CYB5R2: variants seen among roughly 807,000 people sequenced by gnomAD.
The protein encoded by CYB5R2 is cytochrome b5 reductase 2, also known as NADH-cytochrome b5 reductase 2.
CYB5R2 carries 35 observed loss-of-function variants against 29.8 expected under a neutral mutation model. The ratio of observed to expected loss-of-function variants is 1.17; its 90% CI spans 0.90 to 1.56. The LOEUF is 1.56. Among genes scored for constraint, CYB5R2 ranks in the 40% most tolerant of loss-of-function variants. The pLI is 0.00. For missense variants in CYB5R2, 419 were observed against 346.7 expected (o/e 1.21, Z -1.66); for synonymous variants, 169 against 130.6 (o/e 1.29, Z -2.01).
upstream of CYB5R2, chr11:7,673,799 T>A: frequency 1.0e-6 from 1 of 987,288 alleles, no homozygotes; most frequent in Non-Finnish European, 1.2e-6. Flanking sequence ...ACTCGTGGCG[T>A]CGCCCCGCAG....
intron 3 of CYB5R2, chr11:7,670,024 G>A (rs35045958): frequency 0.15 from 50,790 of 343,548 alleles, 4,001 homozygotes; most frequent in African/African-American, 0.19. Context: ...ACTGCTTTTT[G>A]GAGCAGGAAA....
In CYB5R2 at chr11:7,672,463, CT is replaced by C. The variant is rs1291461794; in HGVS notation, c.138del (p.Leu48PhefsTer3). ...AAGCCCGGCTCACCTACAGGAAGCCCTAAGACATGGTCCGGCGAAGGCAGTC... is the reference window on the plus strand; with the variant it reads ...AAGCCCGGCTCACCTACAGGAAGCCCAAGACATGGTCCGGCGAAGGCAGTC... ...RFGLPSPDHV[L>X]GLPVGNYVQL... On this transcript the variant is annotated frameshift_variant, in exon 3 of 9. Coordinates refer to ENST00000299498, the MANE Select transcript of CYB5R2 (RefSeq NM_016229.5). LOFTEE classifies it high-confidence loss of function. 1.2e-6 allele frequency: 2 copies of C among 1,614,068 alleles called. No homozygotes were observed. Among genetic ancestry groups the C allele is most frequent in the African/African-American group, 2.7e-5 (2 of 74,928 alleles).
At chr11:7,673,934 CG>C (rs562598139), upstream of CYB5R2, 212 of 1,000,760 alleles carry the variant, frequency 2.1e-4, no homozygotes, top group African/African-American at 3.5e-3. Context: ...GGGCCGTGGT[CG>C]GGGGGCTCTC....
chr11:7,672,670 T>TGA, intron 2 of CYB5R2, 78 bp downstream of exon 2: 1 of 1,577,242 alleles, frequency 6.3e-7, no homozygotes, highest in South Asian at 1.1e-5. Flanking sequence ...CTGGAGGCCA[T>TGA]GAGATGACTG....
At chr11:7,666,363 A>G in intron 8 of CYB5R2, 88 bp downstream of exon 8, 3 of 869,970 alleles carry the variant, frequency 3.4e-6, no homozygotes, top group Non-Finnish European at 3.8e-6. Flanking sequence ...CTACAAAACT[A>G]AAACAAAACA....
At chr11:7,672,138 G>A in intron 3 of CYB5R2, 1 of 338,780 alleles carries the variant, frequency 3.0e-6, no homozygotes, top group South Asian at 6.9e-5. Flanking sequence ...GAGGCTCAGA[G>A]AGATTGAAGG....
Position 7,669,335 on chromosome 11 carries a change from C to G in CYB5R2, c.259-1G>C. ...GGGGGTGTACATTTTTGAAGTAGATCTGAAAAGCAAGGCAGCACTGCTTTC... is the reference window on the plus strand; with the variant it reads ...GGGGGTGTACATTTTTGAAGTAGATGTGAAAAGCAAGGCAGCACTGCTTTC... On this transcript the variant is annotated splice_acceptor_variant, in intron 4 of 8. Coordinates refer to ENST00000299498, the MANE Select transcript of CYB5R2 (RefSeq NM_016229.5). LOFTEE classifies it high-confidence loss of function. 1 of 1,608,926 alleles carries G rather than the reference C, an allele frequency of 6.2e-7. No individual in the cohort carries two copies.
upstream of CYB5R2, chr11:7,673,998 CATG>C: frequency 8.7e-7 from 1 of 1,149,282 alleles, no homozygotes; most frequent in Non-Finnish European, 1.1e-6. Flanking sequence ...AGCGCTCCAT[CATG>C]AGGCTGGCGG....
chr11:7,666,020 GC>G (rs1855158553), intron 8 of CYB5R2: 1 of 987,560 alleles, frequency 1.0e-6, no homozygotes, highest in Non-Finnish European at 1.5e-6. Flanking sequence ...TTGCTGGGAT[GC>G]TGTCTGGGCT....
chr11:7,672,988 G>A lies in CYB5R2; in HGVS notation c.-66-97C>T, dbSNP rs1855853827. 9 of 1,198,276 alleles carry A rather than the reference G, an allele frequency of 7.5e-6. No homozygotes were observed. The Admixed American group carries it at 1.9e-4, about 25-fold the overall frequency. 74.2% of individuals were successfully genotyped at this position (1,198,276 alleles called of 1,614,324 possible). On this transcript the variant is annotated intron_variant, in intron 1 of 8. Transcript: ENST00000299498. The stretch of plus-strand genomic sequence containing the variant: ...ACACCCTCCCCACACCAAAGGCACA[G>A]GAGCTGAGCTCTGCCTGCAGGAAAT...
chr11:7,666,271 G>A (rs1480870066), intron 8 of CYB5R2, 180 bp downstream of exon 8: 9 of 602,040 alleles, frequency 1.5e-5, no homozygotes, highest in South Asian at 8.3e-5. Context: ...TTAAAAGCAG[G>A]CCATCCCAAA....
intron 6 of CYB5R2, among the ~76,000 whole-genome samples, 191 bp from the exon 7 acceptor site, chr11:7,668,004 TTC>T (rs1296099987): frequency 2.0e-5 from 3 of 152,238 alleles, no homozygotes; most frequent in African/African-American, 7.2e-5. Flanking sequence ...CAGGTAGTCT[TTC>T]TCATTTTCAT....
chr11:7,666,687 A>T, intron 7 of CYB5R2, 137 bp from the exon 8 acceptor site: 1 of 582,418 alleles, frequency 1.7e-6, no homozygotes, highest in Non-Finnish European at 3.1e-6. Context: ...TCCCACGGCA[A>T]ACAAGAGTTC....
chr11:7,668,988 G>A (rs1480946892), intron 5 of CYB5R2: 1 of 690,842 alleles, frequency 1.4e-6, no homozygotes. Flanking sequence ...CAATGACGAG[G>A]AAACACCAAG....
chr11:7,672,648 G>C, intron 2 of CYB5R2, 100 bp downstream of exon 2: 5 of 1,121,390 alleles, frequency 4.5e-6, no homozygotes, highest in Non-Finnish European at 6.4e-6. Context: ...ACACAGGGCG[G>C]CGGGGAGTGA....
At chr11:7,674,157 AG>A, upstream of CYB5R2, 3 of 1,232,018 alleles carry the variant, frequency 2.4e-6, no homozygotes, top group Non-Finnish European at 3.1e-6. Context: ...GACCGGGCGG[AG>A]GGGGATGCTG....
At position 7,668,605 on chromosome 11, in the gene CYB5R2, A is replaced by G. The variant is rs761459302; in HGVS notation, c.389-44T>C. The G allele has an allele frequency of 7.5e-6, 11 of 1,463,848 alleles. No individual in the cohort carries two copies. In the South Asian group the frequency reaches 1.0e-4, roughly 14 times the overall value. The allele number at this position is 1,463,848 out of a possible 1,614,324, so 90.7% of individuals were successfully genotyped here. On this transcript the variant is annotated intron_variant, in intron 5 of 8. Coordinates refer to ENST00000299498, the MANE Select transcript of CYB5R2 (RefSeq NM_016229.5). ...CTTATGACCTCTGCAGTTCTTGCCT[A>G]AAGAGACTGCAAAAGATCACTGACA...
At chr11:7,665,907 T>C (rs1416025077) in intron 8 of CYB5R2, 1 of 1,536,072 alleles carries the variant, frequency 6.5e-7, no homozygotes, top group African/African-American at 1.4e-5. Flanking sequence ...GCAGAATTGC[T>C]CAGTAGGGTA....
In CYB5R2 at chr11:7,665,164, T is replaced by G. The variant is rs1128643; in HGVS notation, c.*210A>C. Reference sequence around the variant, plus strand: ...AGAAAGATACTGAAATGGAGCTCTTTCCAGCCTCCAAGCAAGGAGGCCCCA... The same window carrying G: ...AGAAAGATACTGAAATGGAGCTCTTGCCAGCCTCCAAGCAAGGAGGCCCCA... On this transcript the variant is annotated 3_prime_UTR_variant, in exon 9 of 9. Coordinates refer to ENST00000299498, the MANE Select transcript of CYB5R2 (RefSeq NM_016229.5). 0.34 allele frequency: 154,753 copies of G among 454,340 alleles called. 29,789 individuals carry two copies. Among genetic ancestry groups the G allele is most frequent in the Non-Finnish European group, 0.4 (103,574 of 258,038 alleles). 28.1% of individuals were successfully genotyped at this position (454,340 alleles called of 1,614,324 possible). A position where few individuals can be genotyped will look rare whatever the true frequency, so the allele number is the denominator to read the frequency against.
Sources: allele counts gnomAD v4.1 joint callset (sites outside exome capture counted in the v4.1 genomes callset), GRCh38; gene constraint gnomAD v4.1.1; transcripts MANE v1.5; gene names NCBI Gene and HGNC (gene_info 2026-07-23, HGNC 2026-07-21).